ACSL6: variants seen among roughly 807,000 people sequenced by gnomAD.
The protein encoded by ACSL6 is long-chain-fatty-acid--CoA ligase 6.
ACSL6 carries 47 observed loss-of-function variants against 98.2 expected under a neutral mutation model. The ratio of observed to expected loss-of-function variants is 0.48; its 90% CI spans 0.38 to 0.61. The LOEUF (loss-of-function observed/expected upper bound fraction) is 0.61, where lower values mean the gene tolerates loss of function less well. ACSL6 is among the 20% of genes least tolerant of loss of function. The pLI, the probability that ACSL6 is intolerant of heterozygous loss-of-function variation, is 0.00. For synonymous variants in ACSL6, 362 were observed against 336.9 expected (o/e 1.07, Z -0.82); for missense variants, 761 against 913.4 (o/e 0.83, Z 2.15).
chr5:131,970,031 C>A, intron 15 of ACSL6, 97 bp downstream of exon 15: 2 of 1,014,332 alleles, frequency 2.0e-6, no homozygotes, highest in Non-Finnish European at 3.1e-6. Context: ...TTCCTAAGTA[C>A]CCATGCAAAT....
At chr5:131,965,394 A>G (rs1177766930) in intron 17 of ACSL6, among the ~76,000 whole-genome samples, 2 of 152,090 alleles carry the variant, frequency 1.3e-5, no homozygotes, top group Non-Finnish European at 2.9e-5. Flanking sequence ...AAATAACTTT[A>G]TTTTTCTTTC....
intron 7 of ACSL6, 108 bp downstream of exon 7, chr5:131,987,940 G>A (rs866916034): frequency 2.9e-5 from 41 of 1,426,444 alleles, no homozygotes; most frequent in Middle Eastern, 1.9e-4. Flanking sequence ...TATACCCTGC[G>A]GGCCCAAAAC....
intron 20 of ACSL6, among the ~76,000 whole-genome samples, chr5:131,958,253 G>C (rs763320438): frequency 6.6e-6 from 1 of 152,168 alleles, no homozygotes; most frequent in Non-Finnish European, 1.5e-5. Context: ...CAGGATGTCC[G>C]CAGGAACTGC....
chr5:131,975,666 AAGGGAGGGCCC>A lies in ACSL6; in HGVS notation c.991-707_991-697del. 3.0e-6 allele frequency: 3 copies of A among 985,398 alleles called. No individual in the cohort carries two copies. In the South Asian group the frequency reaches 1.4e-4, roughly 46 times the overall value. The allele number at this position is 985,398 out of a possible 1,614,324, so 61.0% of individuals were successfully genotyped here. A position where few individuals can be genotyped will look rare whatever the true frequency, so the allele number is the denominator to read the frequency against. ...GGAGCCCTGCTGTGCCCCGCCAGCA[AAGGGAGGGCCC>A]AGGACACATCTCACAGATGGGACTG... On this transcript the variant is annotated intron_variant, in intron 10 of 20. Coordinates refer to ENST00000651883, the MANE Select transcript of ACSL6 (RefSeq NM_001009185.3).
Position 131,968,000 on chromosome 5 carries a change from A to C in ACSL6, c.1536T>G (p.Asn512Lys). Residue 512 changes from asparagine to lysine, a missense_variant, in exon 16 of 21, where the codon AAT becomes AAG. Asn to Lys is a moderately conservative substitution (Grantham distance 94, BLOSUM62 0). Coordinates refer to ENST00000651883, the MANE Select transcript of ACSL6 (RefSeq NM_001009185.3). ...SGHVGAPLPC[N>K]HIKLVDVEEL... ...CCTCAACATCAACGAGCTTGATATG[A>C]TTGCAGGGAAGTGGCGCCCCTACGT... is the stretch of plus-strand genomic sequence containing the variant. 1 of 1,613,922 alleles carries C rather than the reference A, an allele frequency of 6.2e-7. No individual in the cohort carries two copies. The highest frequency in any genetic ancestry group is 2.2e-5 in the East Asian group (1 of 44,874).
At chr5:131,959,354 T>C (rs1752580587) in intron 20 of ACSL6, among the ~76,000 whole-genome samples, 182 bp downstream of exon 20, 1 of 152,210 alleles carries the variant, frequency 6.6e-6, no homozygotes, top group South Asian at 2.1e-4. Flanking sequence ...TCTCTTTTGA[T>C]ATGTGACCTA....
Position 131,954,111 on chromosome 5 carries a change from A to C in ACSL6, c.*123T>G. Reference sequence around the variant, plus strand: ...GTTAAAGACCTCTTGGGACAGGAAAAGGCTCAGTCATAAAATCAGATGCTT... The same window carrying C: ...GTTAAAGACCTCTTGGGACAGGAAACGGCTCAGTCATAAAATCAGATGCTT... On this transcript the variant is annotated 3_prime_UTR_variant, in exon 21 of 21. Coordinates refer to ENST00000651883, the MANE Select transcript of ACSL6 (RefSeq NM_001009185.3). 6 of 993,818 alleles carry C rather than the reference A, an allele frequency of 6.0e-6. No individual in the cohort carries two copies. Among genetic ancestry groups the C allele is most frequent in the Non-Finnish European group, 8.2e-6 (6 of 731,856 alleles). 61.6% of individuals were successfully genotyped at this position (993,818 alleles called of 1,614,324 possible). A position where few individuals can be genotyped will look rare whatever the true frequency, so the allele number is the denominator to read the frequency against.
At chr5:131,986,396 A>G (rs1416942462) in intron 8 of ACSL6, among the ~76,000 whole-genome samples, 4 of 152,208 alleles carry the variant, frequency 2.6e-5, no homozygotes, top group Admixed American at 6.5e-5. Flanking sequence ...GAAGTATCAC[A>G]TGGGGATGAC....
At chr5:131,992,708 C>G (rs1055970083) in intron 2 of ACSL6, among the ~76,000 whole-genome samples, 2 of 152,194 alleles carry the variant, frequency 1.3e-5, no homozygotes, top group African/African-American at 4.8e-5. Context: ...CTTTCTACGG[C>G]ACAAACTGGC....
chr5:131,969,459 T>C (rs192951551), intron 15 of ACSL6, among the ~76,000 whole-genome samples: 1 of 152,270 alleles, frequency 6.6e-6, no homozygotes, highest in East Asian at 1.9e-4. Context: ...TTGTGTTTTT[T>C]TTTTGTCACA....
At chr5:131,981,271 G>A (rs1180261340) in intron 9 of ACSL6, among the ~76,000 whole-genome samples, 1 of 148,512 alleles carries the variant, frequency 6.7e-6, no homozygotes, top group Non-Finnish European at 1.5e-5. Context: ...AAAGCCCTTG[G>A]CTCCACCAGC....
intron 1 of ACSL6, among the ~76,000 whole-genome samples, chr5:132,000,330 C>T (rs1020621400): frequency 6.6e-6 from 1 of 152,110 alleles, no homozygotes; most frequent in Non-Finnish European, 1.5e-5. Context: ...TGCTCTCATG[C>T]CTGCACTAAG....
At chr5:131,972,045 T>G (rs1753336408) in intron 13 of ACSL6, among the ~76,000 whole-genome samples, 1 of 152,224 alleles carries the variant, frequency 6.6e-6, no homozygotes, top group Admixed American at 6.5e-5. Flanking sequence ...GGCATTGCCT[T>G]TTTTCATGTA....
Position 131,971,633 on chromosome 5 carries a change from C to T in ACSL6, c.1351G>A (p.Gly451Arg). 1 of 1,607,732 alleles carries T rather than the reference C, an allele frequency of 6.2e-7. No individual in the cohort carries two copies. The highest frequency in any genetic ancestry group is 8.5e-7 in the Non-Finnish European group (1 of 1,176,354). ...FFNKIQASLG[G>R]CVRMIVTGAA... ...CCAGTAACAATCATCCGCACACACC[C>T]ACCAAGACTGGCCTGTGGGAAGAAA... Residue 451 changes from glycine to arginine, a missense_variant, in exon 14 of 21, where the codon GGG (glycine) becomes AGG (arginine). Transcript: ENST00000651883.
At position 131,990,925 on chromosome 5, in the gene ACSL6, G is replaced by A. The variant is rs1754473259; in HGVS notation, c.313C>T (p.Gln105Ter). Reference sequence around the variant, plus strand: ...TCATCATAGTAGTGGGTAAGTAGCTGAGGGCCAGACCCAATCACAGATCGC... The same window carrying A: ...TCATCATAGTAGTGGGTAAGTAGCTAAGGGCCAGACCCAATCACAGATCGC... ...ARRSVIGSGP[Q>*]LLTHYYDDAR... Residue 105 changes from glutamine to a stop codon, truncating the protein, a stop_gained, in exon 3 of 21, where the codon CAG becomes TAG. Coordinates refer to ENST00000651883, the MANE Select transcript of ACSL6 (RefSeq NM_001009185.3). LOFTEE classifies it high-confidence loss of function. 6.2e-7 allele frequency: 1 copy of A among 1,613,866 alleles called. No homozygotes were observed. Among genetic ancestry groups the A allele is most frequent in the Non-Finnish European group, 8.5e-7 (1 of 1,180,010 alleles).
chr5:131,968,802 G>A (rs1431455111), intron 15 of ACSL6, among the ~76,000 whole-genome samples: 2 of 152,138 alleles, frequency 1.3e-5, no homozygotes, highest in African/African-American at 4.8e-5. Context: ...TGAAAAATGA[G>A]GCTTACCACC....
intron 16 of ACSL6, among the ~76,000 whole-genome samples, 192 bp from the exon 17 acceptor site, chr5:131,966,724 C>T (rs1210798401): frequency 6.6e-6 from 1 of 152,212 alleles, no homozygotes; most frequent in Non-Finnish European, 1.5e-5. Flanking sequence ...TGTCAAGCAA[C>T]ATCCTCCCCA....
intron 1 of ACSL6, among the ~76,000 whole-genome samples, chr5:132,009,327 G>T (rs189840654): frequency 8.1e-4 from 124 of 152,324 alleles, no homozygotes; most frequent in South Asian, 6.0e-3. Flanking sequence ...GAGAGACATT[G>T]CCTCCTGTTA....
Position 131,972,832 on chromosome 5 carries a change from T to C in ACSL6, c.1230A>G (p.Leu410=). 6.2e-7 allele frequency: 1 copy of C among 1,614,222 alleles called. No homozygotes were observed. The highest frequency in any genetic ancestry group is 2.2e-5 in the East Asian group (1 of 44,888). Residue 410 remains leucine (L), a synonymous_variant, in exon 13 of 21, where the codon TTA becomes TTG. Transcript: ENST00000651883. ...CTGCAAACTCCAGGAGCCAGCGCTT[T>C]AATGGTGTGTTTGCCTGGCTGAAGA... The part of the protein sequence containing the change: ...DKIFSQANTP[L]KRWLLEFAAK...
Sources: allele counts gnomAD v4.1 joint callset (sites outside exome capture counted in the v4.1 genomes callset), GRCh38; gene constraint gnomAD v4.1.1; transcripts MANE v1.5; gene names NCBI Gene and HGNC (gene_info 2026-07-23, HGNC 2026-07-21).